IKZF3: variants seen among roughly 807,000 people sequenced by gnomAD.
IKZF3 encodes the protein IKAROS family zinc finger 3.
Under a neutral mutation model 49.0 loss-of-function variants are expected in IKZF3, and 10 were observed. The ratio of observed to expected loss-of-function variants is 0.20; its 90% CI spans 0.13 to 0.35. The LOEUF is 0.35. Among genes scored for constraint, IKZF3 ranks in the 10% least tolerant of loss-of-function variants. The pLI is 1.00. For synonymous variants in IKZF3, 209 were observed against 228.2 expected (o/e 0.92, Z 0.76); for missense variants, 498 against 664.8 (o/e 0.75, Z 2.76).
At chr17:39,784,180 G>C (rs748944465) in intron 6 of IKZF3, among the ~76,000 whole-genome samples, 5 of 152,050 alleles carry the variant, frequency 3.3e-5, no homozygotes, top group African/African-American at 4.8e-5. Flanking sequence ...AATATTTCCT[G>C]CTCCAAGTAT....
At chr17:39,812,396 G>A (rs1037820480) in intron 3 of IKZF3, among the ~76,000 whole-genome samples, 5 of 152,180 alleles carry the variant, frequency 3.3e-5, no homozygotes, top group Non-Finnish European at 7.3e-5. Context: ...GTCCAGTGGT[G>A]TTCTGGTAAT....
intron 4 of IKZF3, among the ~76,000 whole-genome samples, chr17:39,792,235 C>T (rs1017140118): frequency 6.6e-6 from 1 of 152,054 alleles, no homozygotes; most frequent in African/African-American, 2.4e-5. Flanking sequence ...CTATAGACTA[C>T]CTGTTTATTG....
intron 3 of IKZF3, among the ~76,000 whole-genome samples, chr17:39,809,967 G>A (rs554337424): frequency 2.6e-5 from 4 of 152,274 alleles, no homozygotes; most frequent in Admixed American, 2.0e-4. Context: ...AGTTTCTTAA[G>A]ACTTTACATG....
At chr17:39,851,943 T>G (rs2062888614) in intron 1 of IKZF3, among the ~76,000 whole-genome samples, 1 of 151,962 alleles carries the variant, frequency 6.6e-6, no homozygotes, top group African/African-American at 2.4e-5. Context: ...TGCTACAGAA[T>G]TTTTATAAGT....
intron 3 of IKZF3, among the ~76,000 whole-genome samples, chr17:39,827,478 A>T (rs2061987903): frequency 6.6e-6 from 1 of 150,954 alleles, no homozygotes; most frequent in Non-Finnish European, 1.5e-5. Context: ...GTATTATTAT[A>T]ATTTTTTTTT....
chr17:39,787,203 C>A (rs570936623), intron 6 of IKZF3, among the ~76,000 whole-genome samples: 4 of 152,242 alleles, frequency 2.6e-5, no homozygotes, highest in Non-Finnish European at 5.9e-5. Flanking sequence ...CAGAACCAGG[C>A]TGACAGCCAA....
rs547348072 is a variant in IKZF3, at chr17:39,788,503, T to G, written c.593-129A>C. ...TGAAGCCAGAGTATTTGGATACTTT[T>G]GAATCTATATTTTAAATTTGGTAAG... On this transcript the variant is annotated intron_variant, in intron 5 of 7. Coordinates refer to ENST00000346872, the MANE Select transcript of IKZF3 (RefSeq NM_012481.5). The G allele has an allele frequency of 1.4e-5, 9 of 629,410 alleles. No individual in the cohort carries two copies. The East Asian group carries it at 2.4e-4, about 16-fold the overall frequency. 39.0% of individuals were successfully genotyped at this position (629,410 alleles called of 1,614,324 possible). A position where few individuals can be genotyped will look rare whatever the true frequency, so the allele number is the denominator to read the frequency against.
chr17:39,793,008 C>T, intron 3 of IKZF3, 75 bp from the exon 4 acceptor site: 2 of 1,406,826 alleles, frequency 1.4e-6, no homozygotes, highest in Non-Finnish European at 2.0e-6. Flanking sequence ...CAGCAGAGAC[C>T]CACAACTGAC....
At chr17:39,843,390 C>T (rs370619898) in intron 1 of IKZF3, among the ~76,000 whole-genome samples, 6 of 151,484 alleles carry the variant, frequency 4.0e-5, no homozygotes, top group African/African-American at 7.3e-5. Context: ...TTTAAAAACG[C>T]TAACTATGAA....
chr17:39,788,382 G>A lies in IKZF3; in HGVS notation c.593-8C>T, dbSNP rs552563756. ...ATTTGTAGGGTTTCTCCACTAGAAG[G>A]AGAACATAAGGGGCACTCAGTGACC... On this transcript the variant is annotated splice_polypyrimidine_tract_variant and splice_region_variant and intron_variant, in intron 5 of 7. Coordinates refer to ENST00000346872, the MANE Select transcript of IKZF3 (RefSeq NM_012481.5). 5.0e-6 allele frequency: 8 copies of A among 1,589,794 alleles called. No individual in the cohort carries two copies. The highest frequency in any genetic ancestry group is 4.5e-5 in the East Asian group (2 of 44,714).
At chr17:39,822,586 T>C (rs376548704) in intron 3 of IKZF3, among the ~76,000 whole-genome samples, 147 of 149,340 alleles carry the variant, frequency 9.8e-4, no homozygotes, top group Middle Eastern at 3.4e-3. Context: ...TTCTTTCTTT[T>C]TTTTTTTTTT....
At chr17:39,793,228 A>C (rs567345968) in intron 3 of IKZF3, among the ~76,000 whole-genome samples, 1 of 152,228 alleles carries the variant, frequency 6.6e-6, no homozygotes, top group Non-Finnish European at 1.5e-5. Flanking sequence ...TGGCCATGAA[A>C]CAAACATTGA....
chr17:39,786,156 A>C (rs2060869745), intron 6 of IKZF3, among the ~76,000 whole-genome samples: 2 of 152,236 alleles, frequency 1.3e-5, no homozygotes, highest in Admixed American at 1.3e-4. Flanking sequence ...AACTTTGTGA[A>C]TATACTAAAA....
chr17:39,766,042 T>A lies in IKZF3; in HGVS notation c.1278A>T (p.Glu426Asp), dbSNP rs201082358. The A allele has an allele frequency of 1.5e-4, 249 of 1,613,902 alleles. No individual in the cohort carries two copies. The highest frequency in any genetic ancestry group is 2.0e-4 in the Non-Finnish European group (238 of 1,180,024). The change falls in exon 8 of 8, where the codon GAA becomes GAT. Residue 426 changes from glutamate to aspartate, a missense_variant. Physicochemically the swap from Glu to Asp is conservative, Grantham distance 45. Transcript: ENST00000346872. ...PLLKEVPRSY[E>D]LLKPPPICPR... is the part of the protein sequence containing the mutation. ...GGCAGATGGGCGGGGGCTTGAGGAGTTCGTAAGAGCGGGGAACCTCCTTCA... is the reference window on the plus strand; with the variant it reads ...GGCAGATGGGCGGGGGCTTGAGGAGATCGTAAGAGCGGGGAACCTCCTTCA...
chr17:39,772,303 A>G (rs2060465019), intron 7 of IKZF3, among the ~76,000 whole-genome samples: 1 of 152,202 alleles, frequency 6.6e-6, no homozygotes, highest in Non-Finnish European at 1.5e-5. Context: ...AACCTTTAGA[A>G]AAATAACAGA....
At chr17:39,817,462 A>G (rs188652672) in intron 3 of IKZF3, among the ~76,000 whole-genome samples, 109 of 152,260 alleles carry the variant, frequency 7.2e-4, no homozygotes, top group African/African-American at 2.6e-3. Flanking sequence ...GAGTCTTGCT[A>G]TATTGCCCAG....
chr17:39,792,803 G>A lies in IKZF3; in HGVS notation c.294C>T (p.Asn98=). The A allele has an allele frequency of 6.2e-7, 1 of 1,614,120 alleles. No homozygotes were observed. The change falls in exon 4 of 8, where the codon AAC becomes AAT. Residue 98 remains asparagine, a synonymous_variant. Coordinates refer to ENST00000346872, the MANE Select transcript of IKZF3 (RefSeq NM_012481.5). Reference sequence around the variant, plus strand: ...AGACAACATGTCTCTCCAACTTAATGTTTTCATATTCATTATATTCTCTTG... The same window carrying A: ...AGACAACATGTCTCTCCAACTTAATATTTTCATATTCATTATATTCTCTTG... ...SYSREYNEYE[N]IKLERHVVSF... is the part of the protein sequence containing the mutation.
Position 39,763,853 on chromosome 17 carries a change from T to TTTTTG in IKZF3, c.*1932_*1936dup, listed in dbSNP as rs1251741459. 9.2e-5 allele frequency: 14 copies of TTTTTG among 152,302 alleles called. No homozygotes were observed. Among genetic ancestry groups the TTTTTG allele is most frequent in the Admixed American group, 2.6e-4 (4 of 15,294 alleles). 9.4% of individuals were successfully genotyped at this position (152,302 alleles called of 1,614,324 possible). A position where few individuals can be genotyped will look rare whatever the true frequency, so the allele number is the denominator to read the frequency against. ...AGTTTTTTTTGTTTTTGTTTGTTTG[T>TTTTTG]TTTTGTTTTGTTTTGTTTGAGACAG... On this transcript the variant is annotated 3_prime_UTR_variant, in exon 8 of 8. Transcript: ENST00000346872.
At chr17:39,807,718 A>G (rs538998046) in intron 3 of IKZF3, among the ~76,000 whole-genome samples, 1 of 151,958 alleles carries the variant, frequency 6.6e-6, no homozygotes, top group African/African-American at 2.4e-5. Flanking sequence ...GAAACAAACT[A>G]CTGATACATG....
Sources: gnomAD v4.1 joint callset for allele counts (sites outside exome capture counted in the v4.1 genomes callset) on GRCh38, gnomAD v4.1.1 for gene constraint, MANE v1.5 for transcripts, NCBI Gene and HGNC (gene_info 2026-07-23, HGNC 2026-07-21) for gene names.